Variants in SBK1 observed in about 807,000 individuals in gnomAD.
SBK1 encodes SH3 domain binding kinase 1.
SBK1 carries 11 observed loss-of-function variants against 24.4 expected under a neutral mutation model. That is an observed-to-expected ratio of 0.45 (90% CI 0.28 to 0.75). SBK1 has a LOEUF of 0.75. SBK1 is among the 30% of genes least tolerant of loss of function. The probability of loss-of-function intolerance (pLI) is 0.12; values close to 1 mark genes in which losing one functional copy is unlikely to be tolerated. For synonymous variants in SBK1, 308 were observed against 284.4 expected (o/e 1.08, Z -0.83); for missense variants, 467 against 620.5 (o/e 0.75, Z 2.63).
rs1318269352 is a variant in SBK1 at position 28,320,474 on chromosome 16, G to A, written c.828G>A (p.Gly276=). 3.8e-6 allele frequency: 6 copies of A among 1,574,142 alleles called. No individual in the cohort carries two copies. The African/African-American group carries it at 6.8e-5, about 18-fold the overall frequency. ...GCTGGCAGCGGGGCCGCCTGCCGGG[G>A]CTGCCTTCGCAGTGGCGCCGCTTCA... is the stretch of plus-strand genomic sequence containing the variant. The part of the protein sequence containing the change: ...FVRWQRGRLP[G]LPSQWRRFTE... Residue 276 remains glycine, a synonymous_variant, in exon 4 of 4, where the codon GGG becomes GGA. Coordinates refer to ENST00000341901, the MANE Select transcript of SBK1 (RefSeq NM_001024401.3). This position sits in a 1 kb window ranked among gnomAD's most constrained non-coding sequence, Gnocchi z 8.5.
chr16:28,289,833 C>T (rs552552117), upstream of SBK1, among the ~76,000 whole-genome samples: 42 of 151,514 alleles, frequency 2.8e-4, no homozygotes, highest in African/African-American at 8.7e-4. Flanking sequence ...CACTCGCAAT[C>T]CCAGCGCTTT....
intron 1 of SBK1, among the ~76,000 whole-genome samples, chr16:28,295,455 A>T (rs1193392646): frequency 1.3e-5 from 2 of 151,920 alleles, no homozygotes; most frequent in Non-Finnish European, 2.9e-5. Flanking sequence ...TAGAGAGCTG[A>T]ATTTGATTGG....
chr16:28,292,813 G>A lies in SBK1; in HGVS notation c.-495G>A. On this transcript the variant is annotated 5_prime_UTR_variant, in exon 1 of 4. Transcript: ENST00000341901. ...GAAGAGGGGGGGCCCTCCCGGATCC[G>A]ACACCGAGCGACTCCCCTGCGGGGA... The A allele has an allele frequency of 1.0e-6, 1 of 985,344 alleles. No homozygotes were observed. Among genetic ancestry groups the A allele is most frequent in the Non-Finnish European group, 1.2e-6 (1 of 829,820 alleles). 61.0% of individuals were successfully genotyped at this position (985,344 alleles called of 1,614,324 possible). A position where few individuals can be genotyped will look rare whatever the true frequency, so the allele number is the denominator to read the frequency against.
chr16:28,297,089 G>A (rs1221972423), intron 1 of SBK1, among the ~76,000 whole-genome samples: 1 of 152,150 alleles, frequency 6.6e-6, no homozygotes, highest in Non-Finnish European at 1.5e-5. Flanking sequence ...CACCACTTTG[G>A]GAGGCTGAGA....
At chr16:28,306,378 A>G (rs1169627056) in intron 1 of SBK1, among the ~76,000 whole-genome samples, 2 of 152,212 alleles carry the variant, frequency 1.3e-5, no homozygotes, top group African/African-American at 4.8e-5. Flanking sequence ...ACTCTTGAAC[A>G]TTTGTTTCAT....
intron 1 of SBK1, among the ~76,000 whole-genome samples, chr16:28,277,031 G>A (rs1338141021): frequency 6.6e-6 from 1 of 151,970 alleles, no homozygotes; most frequent in East Asian, 1.9e-4. Flanking sequence ...GCAGAGCAGA[G>A]GGGGGAGTGC....
intron 1 of SBK1, among the ~76,000 whole-genome samples, chr16:28,306,329 CT>C (rs769820066): frequency 1.7e-4 from 26 of 152,214 alleles, no homozygotes; most frequent in Non-Finnish European, 5.9e-5. Context: ...TTTCCGATGA[CT>C]TTGAGTTCTG....
rs1417628441 is a variant in SBK1 at position 28,317,545 on chromosome 16, C to A, written c.154C>A (p.His52Asn). The A allele has an allele frequency of 1.2e-6, 2 of 1,614,104 alleles. No individual in the cohort carries two copies. The highest frequency in any genetic ancestry group is 1.3e-5 in the African/African-American group (1 of 74,942). Residue 52 changes from histidine (H) to asparagine (N), a missense_variant, in exon 2 of 4, where the codon CAC becomes AAC. Physicochemically the swap from His to Asn is moderately conservative, Grantham distance 68. Transcript: ENST00000341901. The surrounding 1 kb of genome is among the most constrained non-coding windows in gnomAD (Gnocchi z 4.2). The part of the protein sequence containing the change: ...RTLAASDVTK[H>N]YELVRELGKG... The stretch of plus-strand genomic sequence containing the variant: ...ACTGGCCGCCAGCGACGTCACCAAG[C>A]ACTACGAACTAGTCCGGGAGCTGGG...
At position 28,320,944 on chromosome 16, in the gene SBK1, C is replaced by T. The variant is rs1166525526; in HGVS notation, c.*23C>T. 2 of 1,396,030 alleles carry T rather than the reference C, an allele frequency of 1.4e-6. No individual in the cohort carries two copies. Among genetic ancestry groups the T allele is most frequent in the Non-Finnish European group, 1.9e-6 (2 of 1,077,058 alleles). The allele number at this position is 1,396,030 out of a possible 1,614,324, so 86.5% of individuals were successfully genotyped here. On this transcript the variant is annotated 3_prime_UTR_variant, in exon 4 of 4. Transcript: ENST00000341901. The surrounding 1 kb of genome is among the most constrained non-coding windows in gnomAD (Gnocchi z 8.5). ...TGAGTCGCCTCCGCCGCCCTCGGACCCGGGAGCAGCCCGGGCCCGCCCCGA... is the reference window on the plus strand; with the variant it reads ...TGAGTCGCCTCCGCCGCCCTCGGACTCGGGAGCAGCCCGGGCCCGCCCCGA...
chr16:28,260,084 T>TGTGTGTGTGTG (rs1555535487), intron 1 of SBK1, among the ~76,000 whole-genome samples: 2,832 of 149,934 alleles, frequency 0.019, 100 homozygotes, highest in African/African-American at 0.066. Context: ...GTGTATTTGC[T>TGTGTGTGTGTG]TGTGTGTGTG....
intron 1 of SBK1, among the ~76,000 whole-genome samples, chr16:28,308,183 C>T (rs768981102): frequency 2.6e-5 from 4 of 152,118 alleles, no homozygotes; most frequent in East Asian, 3.8e-4. Flanking sequence ...GACAGAGTCT[C>T]GCTGTCACCC....
Position 28,320,945 on chromosome 16 carries a change from C to T in SBK1, c.*24C>T. On this transcript the variant is annotated 3_prime_UTR_variant, in exon 4 of 4. Transcript: ENST00000341901. The surrounding 1 kb of genome is among the most constrained non-coding windows in gnomAD (Gnocchi z 8.5). ...GAGTCGCCTCCGCCGCCCTCGGACC[C>T]GGGAGCAGCCCGGGCCCGCCCCGAG... 3 of 1,394,172 alleles carry T rather than the reference C, an allele frequency of 2.2e-6. No homozygotes were observed. Among genetic ancestry groups the T allele is most frequent in the Non-Finnish European group, 2.8e-6 (3 of 1,076,624 alleles). 86.4% of individuals were successfully genotyped at this position (1,394,172 alleles called of 1,614,324 possible).
upstream of SBK1, among the ~76,000 whole-genome samples, chr16:28,289,147 A>G (rs1282596260): frequency 2.0e-5 from 3 of 152,210 alleles, no homozygotes; most frequent in Admixed American, 6.5e-5. Flanking sequence ...AAAAGAGGAA[A>G]GTGCTCTCTA....
chr16:28,320,731 G>C lies in SBK1; in HGVS notation c.1085G>C (p.Gly362Ala), dbSNP rs746543732. 4 of 1,170,296 alleles carry C rather than the reference G, an allele frequency of 3.4e-6. No homozygotes were observed. In the South Asian group the frequency reaches 7.4e-5, roughly 22 times the overall value. 72.5% of individuals were successfully genotyped at this position (1,170,296 alleles called of 1,614,324 possible). A position where few individuals can be genotyped will look rare whatever the true frequency, so the allele number is the denominator to read the frequency against. Residue 362 changes from glycine (G) to alanine (A), a missense_variant, in exon 4 of 4, where the codon GGC becomes GCC. Around this residue, in one of 4 missense-constraint regions of SBK1, gnomAD observed 166 missense variants for 146.8 expected, o/e 1.13. Transcript: ENST00000341901. The surrounding 1 kb of genome is among the most constrained non-coding windows in gnomAD (Gnocchi z 8.5). ...KRTVLTESGS[G>A]SRPAPPAVGS... ...ACGGTGCTGACCGAGAGCGGCAGCG[G>C]CTCCCGGCCCGCGCCCCCCGCCGTC...
Position 28,292,802 on chromosome 16 carries a change from C to T in SBK1, c.-506C>T, listed in dbSNP as rs954307248. 4 of 985,308 alleles carry T rather than the reference C, an allele frequency of 4.1e-6. No homozygotes were observed. In the Admixed American group the frequency reaches 1.8e-4, roughly 45 times the overall value. 61.0% of individuals were successfully genotyped at this position (985,308 alleles called of 1,614,324 possible). A position where few individuals can be genotyped will look rare whatever the true frequency, so the allele number is the denominator to read the frequency against. ...CGAGCCTCGGGGAAGAGGGGGGGCC[C>T]TCCCGGATCCGACACCGAGCGACTC... On this transcript the variant is annotated 5_prime_UTR_variant, in exon 1 of 4. Transcript: ENST00000341901.
chr16:28,267,109 G>A (rs1398792540), intron 1 of SBK1, among the ~76,000 whole-genome samples: 1 of 152,012 alleles, frequency 6.6e-6, no homozygotes, highest in Non-Finnish European at 1.5e-5. Flanking sequence ...GTTTCACCAT[G>A]TTGGCCAAGC....
intron 1 of SBK1, among the ~76,000 whole-genome samples, chr16:28,312,832 T>C (rs1172660983): frequency 2.0e-5 from 3 of 152,048 alleles, no homozygotes; most frequent in Non-Finnish European, 2.9e-5. Flanking sequence ...AGACCCCATC[T>C]CTACAAAAAA....
At chr16:28,314,994 A>G (rs2044783279) in intron 1 of SBK1, among the ~76,000 whole-genome samples, 2 of 152,080 alleles carry the variant, frequency 1.3e-5, no homozygotes, top group Admixed American at 1.3e-4. Context: ...AAAAGGGAAA[A>G]AAGGGAGAAG....
rs1049006853 is a variant in SBK1, at chr16:28,323,091, G to GC, written c.*2175dup. On this transcript the variant is annotated 3_prime_UTR_variant, in exon 4 of 4. Transcript: ENST00000341901. ...GAGGGGACCATAGTTATGTAGCCCA[G>GC]CCCCCTCATTCCCAGAGGCACCCAG... The GC allele has an allele frequency of 6.9e-6, 1 of 144,434 alleles. No homozygotes were observed. The highest frequency in any genetic ancestry group is 1.5e-5 in the Non-Finnish European group (1 of 66,432). 8.9% of individuals were successfully genotyped at this position (144,434 alleles called of 1,614,324 possible). A position where few individuals can be genotyped will look rare whatever the true frequency, so the allele number is the denominator to read the frequency against.
Sources: gnomAD v4.1 joint callset for allele counts (sites outside exome capture counted in the v4.1 genomes callset) on GRCh38, gnomAD v4.1.1 for gene constraint, gnomAD v4.1.1 regional missense constraint, Gnocchi (gnomAD v3.1) non-coding constraint, MANE v1.5 for transcripts, NCBI Gene and HGNC (gene_info 2026-07-23, HGNC 2026-07-21) for gene names.